IQGAP2: variants seen among roughly 807,000 people sequenced by gnomAD.
IQGAP2 encodes the protein ras GTPase-activating-like protein IQGAP2.
IQGAP2 carries 173 observed loss-of-function variants against 201.3 expected under a neutral mutation model. The ratio of observed to expected loss-of-function variants is 0.86; its 90% CI spans 0.76 to 0.98. The LOEUF is 0.98. Ranked by LOEUF, IQGAP2 falls within the 50% of genes least tolerant of loss-of-function variation. The pLI is 0.00. For missense variants in IQGAP2, 1,687 were observed against 1,864.8 expected, an observed-to-expected ratio of 0.90 and a Z score of 1.76; for synonymous variants, 675 against 673.9, an observed-to-expected ratio of 1.00 and a Z score of -0.03.
chr5:76,653,205 A>G (rs1474275525), intron 18 of IQGAP2, among the ~76,000 whole-genome samples: 1 of 152,214 alleles, frequency 6.6e-6, no homozygotes, highest in Non-Finnish European at 1.5e-5. Flanking sequence ...CTCAGACATA[A>G]CAGAACAAAA....
At chr5:76,617,834 T>G in intron 13 of IQGAP2, 1 of 1,613,966 alleles carries the variant, frequency 6.2e-7, no homozygotes, top group Non-Finnish European at 8.5e-7. Flanking sequence ...TATGATCGTA[T>G]GCATTAAGTG....
At chr5:76,568,443 A>T (rs1744896702) in intron 3 of IQGAP2, among the ~76,000 whole-genome samples, 1 of 152,150 alleles carries the variant, frequency 6.6e-6, no homozygotes, top group Non-Finnish European at 1.5e-5. Flanking sequence ...CAACTCAAAG[A>T]AGCATTTTGT....
intron 2 of IQGAP2, among the ~76,000 whole-genome samples, chr5:76,503,459 G>A (rs575243157): frequency 4.6e-5 from 7 of 151,926 alleles, no homozygotes; most frequent in Non-Finnish European, 1.0e-4. Flanking sequence ...ACAGGCATCA[G>A]CCACCGCTCC....
chr5:76,645,083 A>C (rs1484694956), intron 17 of IQGAP2, among the ~76,000 whole-genome samples: 1 of 151,868 alleles, frequency 6.6e-6, no homozygotes, highest in East Asian at 1.9e-4. Context: ...CCTACTTATG[A>C]GTGAGAACAT....
intron 2 of IQGAP2, among the ~76,000 whole-genome samples, chr5:76,523,044 C>T (rs1432087774): frequency 6.9e-6 from 1 of 145,720 alleles, no homozygotes; most frequent in Non-Finnish European, 1.5e-5. Flanking sequence ...AGCAAACTCA[C>T]AAATTTTCTT....
intron 2 of IQGAP2, among the ~76,000 whole-genome samples, chr5:76,513,865 A>G (rs913951763): frequency 2.6e-5 from 4 of 151,788 alleles, no homozygotes; most frequent in South Asian, 2.1e-4. Flanking sequence ...TATTAATAAC[A>G]TATGGATATT....
intron 2 of IQGAP2, among the ~76,000 whole-genome samples, chr5:76,523,445 C>T (rs998325659): frequency 7.2e-5 from 11 of 152,056 alleles, no homozygotes; most frequent in Admixed American, 1.3e-4. Flanking sequence ...TTAGCAATCT[C>T]GCCATATCAA....
At position 76,460,539 on chromosome 5, in the gene IQGAP2, A is replaced by G. The variant is rs370905010; in HGVS notation, c.47-1031A>G. ...GAAAAGGGGTAGTGGCTGAGTGACTAGACCTGTTCTGAGAGTTTTATGGGA... is the reference window on the plus strand; with the variant it reads ...GAAAAGGGGTAGTGGCTGAGTGACTGGACCTGTTCTGAGAGTTTTATGGGA... On this transcript the variant is annotated intron_variant, in intron 1 of 35. Transcript: ENST00000274364. 7.8e-4 allele frequency among the ~76,000 whole-genome samples: 115 copies of G among 146,734 alleles called. 1 individual carries two copies. The South Asian group carries it at 0.016, about 20-fold the overall frequency.
At chr5:76,657,929 C>T (rs1348269580) in intron 20 of IQGAP2, among the ~76,000 whole-genome samples, 1 of 152,130 alleles carries the variant, frequency 6.6e-6, no homozygotes, top group Non-Finnish European at 1.5e-5. Flanking sequence ...ACTTATCATT[C>T]TGTTGGTTCC....
At position 76,658,586 on chromosome 5, in the gene IQGAP2, G is replaced by A. The variant is rs1407339122; in HGVS notation, c.2448G>A (p.Arg816=). ...GGGAAGAAGTAGTGACCAAGATCAG[G>A]GCCAATCAACAGCTGGAAAAAGACC... ...RLREEVVTKI[R]ANQQLEKDLN... is the part of the protein sequence containing the mutation. The change falls in exon 21 of 36, where the codon AGG becomes AGA. Residue 816 remains arginine (R), a synonymous_variant. Coordinates refer to ENST00000274364, the MANE Select transcript of IQGAP2 (RefSeq NM_006633.5). The A allele has an allele frequency of 6.2e-7, 1 of 1,613,994 alleles. No individual in the cohort carries two copies. The highest frequency in any genetic ancestry group is 8.5e-7 in the Non-Finnish European group (1 of 1,179,972).
intron 1 of IQGAP2, among the ~76,000 whole-genome samples, chr5:76,451,022 G>A (rs557576571): frequency 1.3e-5 from 2 of 152,136 alleles, no homozygotes; most frequent in Admixed American, 6.6e-5. Flanking sequence ...AATTGTGTCT[G>A]TTATATTAAA....
intron 2 of IQGAP2, among the ~76,000 whole-genome samples, chr5:76,529,627 CGGAATAATAATA>C (rs1759165273): frequency 8.3e-6 from 1 of 120,130 alleles, no homozygotes; most frequent in Non-Finnish European, 1.7e-5. Flanking sequence ...GACTCCCTCT[CGGAATAATAATA>C]ATAATAATAA....
At chr5:76,599,631 T>G (rs368206247) in intron 10 of IQGAP2, among the ~76,000 whole-genome samples, 59 of 152,322 alleles carry the variant, frequency 3.9e-4, no homozygotes, top group Admixed American at 1.9e-3. Context: ...GGTAACCCCT[T>G]CTTCCCATTT....
intron 27 of IQGAP2, 124 bp from the exon 28 acceptor site, chr5:76,677,094 G>A (rs1422881301): frequency 1.2e-5 from 11 of 883,316 alleles, no homozygotes; most frequent in South Asian, 9.2e-5. Flanking sequence ...GCTGTAACAC[G>A]TCCTCTCAAG....
chr5:76,623,390 C>T (rs1210658319), intron 13 of IQGAP2: 6 of 718,770 alleles, frequency 8.3e-6, no homozygotes, highest in Non-Finnish European at 1.2e-5. Flanking sequence ...TGCCCTGGTC[C>T]TCCGCAGGGA....
chr5:76,536,354 A>C (rs1307153962), intron 2 of IQGAP2, among the ~76,000 whole-genome samples: 2 of 151,504 alleles, frequency 1.3e-5, no homozygotes, highest in East Asian at 2.0e-4. Flanking sequence ...CACAGGCGTG[A>C]GCTACCACGC....
chr5:76,633,188 T>C (rs2150387520), intron 15 of IQGAP2, among the ~76,000 whole-genome samples: 1 of 152,328 alleles, frequency 6.6e-6, no homozygotes, highest in East Asian at 1.9e-4. Context: ...GTCAAATCCC[T>C]GTGTATCCAA....
rs1756977315 is a variant in IQGAP2 at position 76,496,757 on chromosome 5, C to CTTTCTTTCTTTCTTTCTTTCT, written c.146+35091_146+35111dup. On this transcript the variant is annotated intron_variant, in intron 2 of 35. Transcript: ENST00000274364. ...TCTTTCTTTCTTTCTTTCTTTCTTT[C>CTTTCTTTCTTTCTTTCTTTCT]TTTCTTTCTTTCTTTCTTTCTTTCT... 1.0e-3 allele frequency among the ~76,000 whole-genome samples: 79 copies of CTTTCTTTCTTTCTTTCTTTCT among 79,314 alleles called. 4 individuals are homozygous for CTTTCTTTCTTTCTTTCTTTCT. Among genetic ancestry groups the CTTTCTTTCTTTCTTTCTTTCT allele is most frequent in the East Asian group, 5.3e-3 (18 of 3,372 alleles). 52.0% of individuals were successfully genotyped at this position (79,314 alleles called of 152,430 possible).
In IQGAP2 at chr5:76,590,564, A is replaced by T; in HGVS notation, c.797A>T (p.Lys266Ile). The change falls in exon 8 of 36, where the codon AAA (lysine) becomes ATA (isoleucine). Residue 266 changes from lysine to isoleucine, a missense_variant. Coordinates refer to ENST00000274364, the MANE Select transcript of IQGAP2 (RefSeq NM_006633.5). ...QKELWDAKKKKEENARLKNSC... is the reference protein window; with the variant it reads ...QKELWDAKKKIEENARLKNSC... Reference sequence around the variant, plus strand: ...GAACTCTGGGATGCCAAAAAGAAAAAAGAGGAAAATGCAAGACTGAAGGTG... The same window carrying T: ...GAACTCTGGGATGCCAAAAAGAAAATAGAGGAAAATGCAAGACTGAAGGTG... 6.2e-7 allele frequency: 1 copy of T among 1,610,034 alleles called. No homozygotes were observed. The highest frequency in any genetic ancestry group is 8.5e-7 in the Non-Finnish European group (1 of 1,178,916).
Sources: gnomAD v4.1 joint callset for allele counts (sites outside exome capture counted in the v4.1 genomes callset) on GRCh38, gnomAD v4.1.1 for gene constraint, MANE v1.5 for transcripts, NCBI Gene and HGNC (gene_info 2026-07-23, HGNC 2026-07-21) for gene names.